ASB3: variants seen among roughly 807,000 people sequenced by gnomAD.
The protein encoded by ASB3 is ankyrin repeat and SOCS box protein 3.
In ASB3, 41 loss-of-function variants were observed where a neutral mutation model predicts 54.5. That is an observed-to-expected ratio of 0.75 (90% CI 0.59 to 0.98). ASB3 has a LOEUF of 0.98. Among genes scored for constraint, ASB3 ranks in the 50% least tolerant of loss-of-function variants. ASB3 has a pLI of 0.00. For missense variants in ASB3, 733 were observed against 620.0 expected, an observed-to-expected ratio of 1.18 and a Z score of -1.94; for synonymous variants, 266 against 221.2, an observed-to-expected ratio of 1.20 and a Z score of -1.80.
At chr2:53,759,635 C>T (rs1465058473) in intron 2 of ASB3, among the ~76,000 whole-genome samples, 1 of 152,124 alleles carries the variant, frequency 6.6e-6, no homozygotes, top group African/African-American at 2.4e-5. Context: ...ACTTTGAAGG[C>T]TCTGGAACAG....
chr2:53,765,877 T>C (rs1038148690), intron 1 of ASB3, among the ~76,000 whole-genome samples: 1 of 152,036 alleles, frequency 6.6e-6, no homozygotes, highest in Admixed American at 6.5e-5. Flanking sequence ...CTTCTGCTCC[T>C]GTTCATACCC....
chr2:53,695,961 C>T (rs1240090597), intron 8 of ASB3, among the ~76,000 whole-genome samples: 4 of 152,038 alleles, frequency 2.6e-5, no homozygotes, highest in Non-Finnish European at 5.9e-5. Context: ...ATATAAATAA[C>T]AATCAAAATC....
intron 1 of ASB3, chr2:53,767,829 C>T: frequency 1.3e-6 from 2 of 1,553,178 alleles, no homozygotes; most frequent in Non-Finnish European, 1.7e-6. Flanking sequence ...GCTTCAGTCC[C>T]CGGCGGCGCG....
chr2:53,759,243 C>A (rs1272230206), intron 2 of ASB3, among the ~76,000 whole-genome samples: 1 of 152,172 alleles, frequency 6.6e-6, no homozygotes, highest in Non-Finnish European at 1.5e-5. Flanking sequence ...CAGACATTTG[C>A]TAACTTGCGT....
rs182528203 is a variant in ASB3, at chr2:53,765,659, G to A, written c.-13-74C>T. 22 of 1,560,034 alleles carry A rather than the reference G, an allele frequency of 1.4e-5. 1 individual carries two copies. In the Admixed American group the frequency reaches 1.9e-4, roughly 14 times the overall value. ...TCACTCCTAGAGGTCAGCAAATCAC[G>A]GTGGGCCTGTCTAGTATCTCTCACA... On this transcript the variant is annotated intron_variant, in intron 1 of 9. Coordinates refer to ENST00000263634, the MANE Select transcript of ASB3 (RefSeq NM_016115.5).
At chr2:53,782,872 C>T (rs983014634) in intron 1 of ASB3, among the ~76,000 whole-genome samples, 13 of 152,060 alleles carry the variant, frequency 8.5e-5, no homozygotes, top group African/African-American at 2.7e-4. Flanking sequence ...CTGCAACCTC[C>T]GCCTCCCAGG....
intron 3 of ASB3, among the ~76,000 whole-genome samples, chr2:53,745,574 A>G (rs1363292389): frequency 6.6e-6 from 1 of 152,170 alleles, no homozygotes; most frequent in Non-Finnish European, 1.5e-5. Context: ...CAGATCCAAC[A>G]CACCTCTCAT....
chr2:53,732,343 A>G (rs1223503990), intron 3 of ASB3, among the ~76,000 whole-genome samples: 14 of 152,250 alleles, frequency 9.2e-5, no homozygotes, highest in Admixed American at 9.2e-4. Flanking sequence ...ATTAAAAAAA[A>G]GCCTGAAAAT....
At chr2:53,782,182 C>T (rs2542583) in intron 1 of ASB3, among the ~76,000 whole-genome samples, 38,604 of 151,800 alleles carry the variant, frequency 0.25, 5,382 homozygotes, top group South Asian at 0.32. Flanking sequence ...GTCTCAAAAA[C>T]AAACAAACAA....
chr2:53,781,420 A>G (rs537227067), intron 1 of ASB3, among the ~76,000 whole-genome samples: 1 of 152,222 alleles, frequency 6.6e-6, no homozygotes, highest in Non-Finnish European at 1.5e-5. Context: ...TCCAAAAAAA[A>G]AAAAAAAAGT....
At chr2:53,689,712 G>C (rs3770409) in intron 9 of ASB3, among the ~76,000 whole-genome samples, 47,319 of 152,004 alleles carry the variant, frequency 0.31, 8,057 homozygotes, top group South Asian at 0.5. Context: ...GCTTAAACTG[G>C]ATACTTGCTT....
intron 8 of ASB3, among the ~76,000 whole-genome samples, chr2:53,696,985 T>G (rs1029395966): frequency 6.6e-6 from 1 of 152,032 alleles, no homozygotes; most frequent in Non-Finnish European, 1.5e-5. Context: ...CCCCAGGAAA[T>G]TAAGGCATTC....
intron 2 of ASB3, among the ~76,000 whole-genome samples, chr2:53,752,365 A>C (rs1410464212): frequency 4.6e-5 from 7 of 152,120 alleles, no homozygotes; most frequent in African/African-American, 1.7e-4. Context: ...ATTAAAGGAA[A>C]GCTCCCAGCT....
At chr2:53,767,718 C>T in intron 1 of ASB3, 1 of 744,984 alleles carries the variant, frequency 1.3e-6, no homozygotes, top group East Asian at 2.7e-5. Context: ...TGACTGAGAT[C>T]CGCTCGGAAA....
At chr2:53,688,719 G>T (rs1668758642) in intron 9 of ASB3, among the ~76,000 whole-genome samples, 1 of 152,042 alleles carries the variant, frequency 6.6e-6, no homozygotes. Flanking sequence ...TCACTCATAA[G>T]TGGGAGTTGA....
rs1443370127 is a variant in ASB3 at position 53,670,119 on chromosome 2, C to T, written c.*384G>A. On this transcript the variant is annotated 3_prime_UTR_variant, in exon 10 of 10. Transcript: ENST00000263634. ...GCATTCCATTCTGAGCTCCTAATAC[C>T]AGGTAAACACGAATCATAGGTGGAA... 4 of 171,558 alleles carry T rather than the reference C, an allele frequency of 2.3e-5. No homozygotes were observed. Among genetic ancestry groups the T allele is most frequent in the African/African-American group, 9.6e-5 (4 of 41,484 alleles). The allele number at this position is 171,558 out of a possible 1,614,324, so 10.6% of individuals were successfully genotyped here. A position where few individuals can be genotyped will look rare whatever the true frequency, so the allele number is the denominator to read the frequency against.
intron 5 of ASB3, among the ~76,000 whole-genome samples, chr2:53,720,138 C>CA (rs199786882): frequency 0.012 from 1,671 of 141,090 alleles, 33 homozygotes; most frequent in African/African-American, 0.034. Flanking sequence ...ATCAGAAACT[C>CA]AAAAAAAAAA....
intron 3 of ASB3, among the ~76,000 whole-genome samples, chr2:53,745,139 T>C (rs1329613261): frequency 6.6e-6 from 1 of 152,184 alleles, no homozygotes; most frequent in Non-Finnish European, 1.5e-5. Flanking sequence ...TTAGAATTTA[T>C]TATAGCTATC....
At position 53,670,431 on chromosome 2, in the gene ASB3, G is replaced by A. The variant is rs77080568; in HGVS notation, c.*72C>T. 2,705 of 1,481,568 alleles carry A rather than the reference G, an allele frequency of 1.8e-3. 37 individuals are homozygous for A. The East Asian group carries it at 0.037, about 20-fold the overall frequency. 91.8% of individuals were successfully genotyped at this position (1,481,568 alleles called of 1,614,324 possible). On this transcript the variant is annotated 3_prime_UTR_variant, in exon 10 of 10. Coordinates refer to ENST00000263634, the MANE Select transcript of ASB3 (RefSeq NM_016115.5). ...TTTGACTATAAAATCATAAAAACTT[G>A]TACTCTGTGGCTCTTTTGTCTCGAT...
Sources: allele counts gnomAD v4.1 joint callset (sites outside exome capture counted in the v4.1 genomes callset), GRCh38; gene constraint gnomAD v4.1.1; transcripts MANE v1.5; gene names NCBI Gene and HGNC (gene_info 2026-07-23, HGNC 2026-07-21).